MEF2C: variants seen among roughly 807,000 people sequenced by gnomAD.
MEF2C encodes myocyte enhancer factor 2C.
MEF2C carries 6 observed loss-of-function variants against 50.5 expected under a neutral mutation model. The ratio of observed to expected loss-of-function variants is 0.12; its 90% CI spans 0.07 to 0.23. MEF2C has a LOEUF of 0.23. Among genes scored for constraint, MEF2C ranks in the 10% least tolerant of loss-of-function variants. The probability of loss-of-function intolerance (pLI) is 1.00; values close to 1 mark genes in which losing one functional copy is unlikely to be tolerated. For synonymous variants in MEF2C, 183 were observed against 228.0 expected, an observed-to-expected ratio of 0.80 and a Z score of 1.78; for missense variants, 276 against 605.0, an observed-to-expected ratio of 0.46 and a Z score of 5.70.
intron 1 of MEF2C, chr5:88,824,371 C>A: frequency 1.0e-6 from 1 of 985,006 alleles, no homozygotes; most frequent in Non-Finnish European, 1.2e-6. Context: ...CCTGTTTTGA[C>A]AGCAGAGGTG....
At chr5:88,802,300 C>A (rs1174171775) in intron 3 of MEF2C, among the ~76,000 whole-genome samples, 1 of 152,244 alleles carries the variant, frequency 6.6e-6, no homozygotes, top group Non-Finnish European at 1.5e-5. Context: ...CACCACACTG[C>A]ACAAAAGTGC....
At chr5:88,745,183 C>T (rs1231441498) in intron 6 of MEF2C, among the ~76,000 whole-genome samples, 4 of 152,176 alleles carry the variant, frequency 2.6e-5, no homozygotes, top group Non-Finnish European at 5.9e-5. Flanking sequence ...TGTGTGCTAA[C>T]GCTTAGGTGT....
chr5:88,782,849 T>G (rs978895994), intron 3 of MEF2C, among the ~76,000 whole-genome samples: 2 of 152,242 alleles, frequency 1.3e-5, no homozygotes, highest in Non-Finnish European at 2.9e-5. Flanking sequence ...ATGCCAATTG[T>G]ATCACATTTA....
At position 88,889,398 on chromosome 5, in the gene MEF2C, C is replaced by G. The variant is rs3906404; in HGVS notation, c.-239-1800G>C. ...TCTGCTTCCCCCCCCTTCCCCCCCC[C>G]CTTTTCTCCCGGCCGACGGAGCTGA... On this transcript the variant is annotated intron_variant, in intron 1 of 11. Coordinates refer to the MEF2C transcript ENST00000340208. The G allele has an allele frequency of 7.4e-3, 1,136 of 154,182 alleles. 50 individuals are homozygous for G. In the East Asian group the frequency reaches 0.12, roughly 17 times the overall value. The allele number at this position is 154,182 out of a possible 1,614,324, so 9.6% of individuals were successfully genotyped here.
At chr5:88,897,868 T>C (rs1835274970) in intron 1 of MEF2C, among the ~76,000 whole-genome samples, 2 of 152,148 alleles carry the variant, frequency 1.3e-5, no homozygotes, top group South Asian at 2.1e-4. Flanking sequence ...GTGAGGATGT[T>C]AACAGTCTAG....
At chr5:88,828,249 A>G (rs1010233370) in intron 1 of MEF2C, among the ~76,000 whole-genome samples, 1 of 151,996 alleles carries the variant, frequency 6.6e-6, no homozygotes, top group Non-Finnish European at 1.5e-5. Flanking sequence ...ACATTAAAAG[A>G]TGTGGGAAGA....
intron 6 of MEF2C, chr5:88,741,849 TAATA>T (rs1431357352): frequency 1.0e-6 from 1 of 985,086 alleles, no homozygotes; most frequent in Non-Finnish European, 1.2e-6. Flanking sequence ...AATGGAGCAA[TAATA>T]AATAAACACA....
chr5:88,786,501 T>A (rs1030426635), intron 3 of MEF2C, among the ~76,000 whole-genome samples: 1 of 152,220 alleles, frequency 6.6e-6, no homozygotes, highest in Non-Finnish European at 1.5e-5. Flanking sequence ...ACTAACGATG[T>A]GGGATGCAAC....
At chr5:88,723,267 A>C (rs761265662) in intron 10 of MEF2C, among the ~76,000 whole-genome samples, 1 of 152,236 alleles carries the variant, frequency 6.6e-6, no homozygotes, top group Non-Finnish European at 1.5e-5. Flanking sequence ...CTATCCCTAG[A>C]CTAGTTCTAA....
At chr5:88,860,916 C>T (rs950327266) in intron 1 of MEF2C, among the ~76,000 whole-genome samples, 43 of 152,284 alleles carry the variant, frequency 2.8e-4, no homozygotes, top group African/African-American at 9.1e-4. Context: ...TTTCCAGCTT[C>T]GCCTACATCT....
intron 4 of MEF2C, among the ~76,000 whole-genome samples, chr5:88,755,789 T>A (rs954730114): frequency 1.3e-5 from 2 of 152,238 alleles, no homozygotes; most frequent in Non-Finnish European, 2.9e-5. Context: ...TTGTGTCTCA[T>A]TAGAGAGCAA....
chr5:88,773,137 C>T (rs575139357), intron 3 of MEF2C, among the ~76,000 whole-genome samples: 1 of 152,346 alleles, frequency 6.6e-6, no homozygotes, highest in East Asian at 1.9e-4. Context: ...GAATCTTTGT[C>T]TTTTTCACCT....
chr5:88,804,568 G>C (rs1799598247), intron 3 of MEF2C, 30 bp downstream of exon 3: 3 of 1,609,908 alleles, frequency 1.9e-6, no homozygotes, highest in South Asian at 1.1e-5. Flanking sequence ...GCTTGCGGAG[G>C]CTTGGGGCTC....
intron 2 of MEF2C, among the ~76,000 whole-genome samples, chr5:88,808,036 A>T (rs62380363): frequency 3.5e-3 from 538 of 152,292 alleles, no homozygotes; most frequent in Non-Finnish European, 6.2e-3. Flanking sequence ...TGATTATCAT[A>T]CTACTTTAGA....
intron 3 of MEF2C, chr5:88,775,811 GA>G (rs1784486128): frequency 1.0e-6 from 1 of 983,836 alleles, no homozygotes; most frequent in African/African-American, 1.7e-5. Context: ...ACTGAGAACT[GA>G]AAAATGGAAG....
intron 1 of MEF2C, among the ~76,000 whole-genome samples, chr5:88,893,658 A>C (rs1053004650): frequency 6.6e-6 from 1 of 152,208 alleles, no homozygotes; most frequent in African/African-American, 2.4e-5. Context: ...CAAGAAGGTA[A>C]GATCATGCAT....
chr5:88,821,704 A>T lies in MEF2C; in HGVS notation c.54+2031T>A, dbSNP rs78441211. Among the ~76,000 whole-genome samples, 1,203 of 151,158 alleles carry T rather than the reference A, an allele frequency of 8.0e-3. 30 individuals are homozygous for T. The East Asian group carries it at 0.11, about 13-fold the overall frequency. ...TGTGGGAGCTAAACTTTTTTTTTTT[A>T]AAAATTGAACTCACTGAGATAGAGA... On this transcript the variant is annotated intron_variant, in intron 2 of 10. Coordinates refer to ENST00000504921, the MANE Select transcript of MEF2C (RefSeq NM_002397.5).
chr5:88,728,599 A>G lies in MEF2C; in HGVS notation c.994T>C (p.Ser332Pro), dbSNP rs200887424. 7 of 1,529,130 alleles carry G rather than the reference A, an allele frequency of 4.6e-6. No homozygotes were observed. Among genetic ancestry groups the G allele is most frequent in the Admixed American group, 2.0e-5 (1 of 49,720 alleles). 94.7% of individuals were successfully genotyped at this position (1,529,130 alleles called of 1,614,324 possible). Residue 332 changes from serine to proline, a missense_variant, in exon 10 of 11, where the codon TCT (serine) becomes CCT (proline). By Grantham distance (74) the Ser-to-Pro change is moderately conservative. This residue lies in a region of MEF2C where 256 missense variants were observed against 468.1 expected (regional missense o/e 0.55). Transcript: ENST00000504921. ...EYSLSSADLS[S>P]LSGFNTASAL... ...CTGGCGGTGTTAAACCCAGACAGAG[A>G]TGACAGGTCTGCACTACTCAGAGAG...
At chr5:88,858,825 G>T (rs755224184) in intron 1 of MEF2C, among the ~76,000 whole-genome samples, 1 of 152,130 alleles carries the variant, frequency 6.6e-6, no homozygotes, top group African/African-American at 2.4e-5. Flanking sequence ...AAGAATACTT[G>T]AATCTTTAAG....
Sources: gnomAD v4.1 joint callset for allele counts (sites outside exome capture counted in the v4.1 genomes callset) on GRCh38, gnomAD v4.1.1 for gene constraint, gnomAD v4.1.1 regional missense constraint, MANE v1.5 for transcripts, NCBI Gene and HGNC (gene_info 2026-07-23, HGNC 2026-07-21) for gene names.